LAMA4: variants seen among roughly 807,000 people sequenced by gnomAD.
The protein encoded by LAMA4 is laminin subunit alpha 4.
A neutral mutation model predicts 207.1 loss-of-function variants in LAMA4; 127 were observed. The ratio of observed to expected loss-of-function variants is 0.61; its 90% CI spans 0.53 to 0.71. The LOEUF (loss-of-function observed/expected upper bound fraction) is 0.71, where lower values mean the gene tolerates loss of function less well. Among genes scored for constraint, LAMA4 ranks in the 30% least tolerant of loss-of-function variants. LAMA4 has a pLI of 0.00. For synonymous variants in LAMA4, 761 were observed against 816.0 expected (o/e 0.93, Z 1.15); for missense variants, 2,093 against 2,246.5 (o/e 0.93, Z 1.38).
intron 2 of LAMA4, among the ~76,000 whole-genome samples, chr6:112,246,295 G>C (rs1786917655): frequency 6.6e-6 from 1 of 152,076 alleles, no homozygotes; most frequent in South Asian, 2.1e-4. Flanking sequence ...GCTAAGGTTT[G>C]GACTCAAAGC....
intron 2 of LAMA4, among the ~76,000 whole-genome samples, chr6:112,248,498 CAAAAAAAAAAA>C (rs550634848): frequency 1.9e-5 from 2 of 103,052 alleles, no homozygotes; most frequent in African/African-American, 7.3e-5. Flanking sequence ...GACTCTGTCT[CAAAAAAAAAAA>C]AAAAAAAAGT....
chr6:112,145,022 T>C (rs1779936767), intron 18 of LAMA4, 89 bp from the exon 19 acceptor site: 2 of 1,187,898 alleles, frequency 1.7e-6, no homozygotes, highest in East Asian at 2.5e-5. Context: ...GGATTACATA[T>C]GGTAGAACTA....
At chr6:112,198,509 G>C (rs535940472) in intron 5 of LAMA4, among the ~76,000 whole-genome samples, 27 of 152,042 alleles carry the variant, frequency 1.8e-4, no homozygotes, top group Non-Finnish European at 3.1e-4. Flanking sequence ...TTAACCCCAG[G>C]GTCAAACAAA....
At chr6:112,245,450 A>G (rs1428934727) in intron 2 of LAMA4, among the ~76,000 whole-genome samples, 3 of 152,106 alleles carry the variant, frequency 2.0e-5, no homozygotes, top group African/African-American at 7.2e-5. Context: ...GTTGCATTTC[A>G]CTTTGTACAT....
chr6:112,237,567 G>A (rs1786024727), intron 2 of LAMA4, among the ~76,000 whole-genome samples: 1 of 152,168 alleles, frequency 6.6e-6, no homozygotes. Context: ...TGCTCCGGAG[G>A]ACTTGAACCC....
intron 2 of LAMA4, among the ~76,000 whole-genome samples, chr6:112,248,018 A>G (rs1787123373): frequency 6.6e-6 from 1 of 152,222 alleles, no homozygotes; most frequent in Non-Finnish European, 1.5e-5. Flanking sequence ...ATGTATATGG[A>G]GTATTTAGAG....
At chr6:112,140,675 AC>A (rs1430111338) in intron 22 of LAMA4, 84 bp downstream of exon 22, 5 of 1,290,684 alleles carry the variant, frequency 3.9e-6, no homozygotes, top group Non-Finnish European at 5.5e-6. Flanking sequence ...GATATCAGCA[AC>A]CCCCAAGTCA....
In LAMA4 at chr6:112,108,565, G is replaced by A. The variant is rs782022284; in HGVS notation, c.*872C>T. Among the ~76,000 whole-genome samples, 95 of 152,238 alleles carry A rather than the reference G, an allele frequency of 6.2e-4. No individual in the cohort carries two copies. The highest frequency in any genetic ancestry group is 6.8e-3 in the Middle Eastern group (2 of 294). On this transcript the variant is annotated 3_prime_UTR_variant, in exon 39 of 39. Coordinates refer to ENST00000230538, the MANE Select transcript of LAMA4 (RefSeq NM_001105206.3). ...CTCCCAAGTAGCTGGGACTACAGGT[G>A]TATGCCCATGTACAAATTTTTTTGC... is the stretch of plus-strand genomic sequence containing the variant.
Position 112,122,146 on chromosome 6 carries a change from TCTGGGA to T in LAMA4, c.4337_4342del (p.Leu1446_Glu1448delinsGln). On this transcript the variant is annotated inframe_deletion, in exon 32 of 39. Coordinates refer to ENST00000230538, the MANE Select transcript of LAMA4 (RefSeq NM_001105206.3). ...ATGAGAGTTTCTTGGAGTATTCCGC[TCTGGGA>T]GTTTCAGAGCAACAGGATCCCATGA... 6.2e-7 allele frequency: 1 copy of T among 1,613,948 alleles called. No homozygotes were observed. Among genetic ancestry groups the T allele is most frequent in the Non-Finnish European group, 8.5e-7 (1 of 1,179,852 alleles).
intron 13 of LAMA4, among the ~76,000 whole-genome samples, chr6:112,162,965 CT>C (rs34824903): frequency 0.16 from 14,632 of 91,274 alleles, 419 homozygotes; most frequent in East Asian, 0.26. Flanking sequence ...CAGCTCAAAT[CT>C]TTTTTTTTTT....
chr6:112,232,339 A>G (rs1282171390), intron 2 of LAMA4, among the ~76,000 whole-genome samples: 12 of 152,198 alleles, frequency 7.9e-5, no homozygotes, highest in African/African-American at 2.9e-4. Context: ...TTCATAAGCT[A>G]CTTCTATTCC....
intron 27 of LAMA4, among the ~76,000 whole-genome samples, 185 bp downstream of exon 27, chr6:112,133,164 G>A (rs1457617648): frequency 2.0e-5 from 3 of 152,070 alleles, no homozygotes; most frequent in Non-Finnish European, 4.4e-5. Context: ...TGAAGCAAAC[G>A]AACAAGTCAC....
At chr6:112,252,882 T>C (rs1554190136) in intron 2 of LAMA4, among the ~76,000 whole-genome samples, 2 of 152,202 alleles carry the variant, frequency 1.3e-5, no homozygotes, top group Admixed American at 1.3e-4. Context: ...GGTTGGCATA[T>C]TCTGACCCTG....
intron 2 of LAMA4, among the ~76,000 whole-genome samples, chr6:112,232,572 G>A (rs1554364731): frequency 6.6e-6 from 1 of 152,160 alleles, no homozygotes; most frequent in Non-Finnish European, 1.5e-5. Flanking sequence ...TTGGAGGATA[G>A]TTTCAGAATT....
chr6:112,127,105 G>A (rs530590154), intron 31 of LAMA4, among the ~76,000 whole-genome samples: 187 of 152,224 alleles, frequency 1.2e-3, no homozygotes, highest in African/African-American at 4.4e-3. Flanking sequence ...GATGCAGATA[G>A]CTGTGTATGT....
chr6:112,235,385 A>G (rs1785845744), intron 2 of LAMA4, among the ~76,000 whole-genome samples: 1 of 152,234 alleles, frequency 6.6e-6, no homozygotes, highest in Non-Finnish European at 1.5e-5. Flanking sequence ...GAAAAATTCT[A>G]CATATAAAAA....
chr6:112,136,918 T>C (rs930822547), intron 24 of LAMA4, among the ~76,000 whole-genome samples: 12 of 152,202 alleles, frequency 7.9e-5, no homozygotes, highest in African/African-American at 2.9e-4. Flanking sequence ...AGGAAACTTT[T>C]AAAAATTATA....
At chr6:112,169,236 A>G (rs899943528) in intron 12 of LAMA4, among the ~76,000 whole-genome samples, 10 of 152,174 alleles carry the variant, frequency 6.6e-5, no homozygotes, top group Non-Finnish European at 8.8e-5. Context: ...GTGAGACACA[A>G]AGGAATGGAG....
At chr6:112,216,935 C>A (rs1000108408) in intron 2 of LAMA4, among the ~76,000 whole-genome samples, 1 of 152,208 alleles carries the variant, frequency 6.6e-6, no homozygotes, top group Admixed American at 6.5e-5. Flanking sequence ...TATAGGATAG[C>A]AACTGAGTCT....
Sources: gnomAD v4.1 joint callset for allele counts (sites outside exome capture counted in the v4.1 genomes callset) on GRCh38, gnomAD v4.1.1 for gene constraint, MANE v1.5 for transcripts, NCBI Gene and HGNC (gene_info 2026-07-23, HGNC 2026-07-21) for gene names.